Variants in CCDC197 observed in about 807,000 individuals in gnomAD.
CCDC197 encodes the protein coiled-coil domain containing 197, also known as uncharacterized protein CCDC197.
In CCDC197, 24 loss-of-function variants were observed where a neutral mutation model predicts 13.4. The ratio of observed to expected loss-of-function variants is 1.80; its 90% CI spans 1.30 to 2.53. The LOEUF (loss-of-function observed/expected upper bound fraction) is 2.53. Ranked by LOEUF, CCDC197 falls within the 30% of genes most tolerant of loss-of-function variation. The pLI is 0.00. For synonymous variants in CCDC197, 99 were observed against 55.5 expected (o/e 1.78, Z -3.48); for missense variants, 255 against 148.8 (o/e 1.71, Z -3.71).
At chr14:93,987,438 GC>G (rs1355876740) in intron 1 of CCDC197, 4 of 152,464 alleles carry the variant, frequency 2.6e-5, no homozygotes, top group African/African-American at 9.6e-5. Flanking sequence ...GGCCTCTGCG[GC>G]CTGTGTGGTC....
chr14:94,007,983 T>C (rs1377227449), intron 6 of CCDC197, among the ~76,000 whole-genome samples: 1 of 152,230 alleles, frequency 6.6e-6, no homozygotes, highest in Non-Finnish European at 1.5e-5. Flanking sequence ...TCTGTGTAAT[T>C]GGCATCCCTA....
At chr14:93,992,486 G>A (rs1382003529), upstream of CCDC197, among the ~76,000 whole-genome samples, 1 of 152,194 alleles carries the variant, frequency 6.6e-6, no homozygotes, top group African/African-American at 2.4e-5. Flanking sequence ...CTAGGAAGGT[G>A]ATGGTTCTGG....
chr14:93,988,088 G>A (rs1210833586), intron 1 of CCDC197, among the ~76,000 whole-genome samples: 2 of 123,152 alleles, frequency 1.6e-5, no homozygotes, highest in Non-Finnish European at 3.5e-5. Flanking sequence ...AGGAGGGGAT[G>A]GGAGGAAGGG....
At chr14:94,008,047 A>G (rs1890735738) in intron 6 of CCDC197, among the ~76,000 whole-genome samples, 1 of 152,250 alleles carries the variant, frequency 6.6e-6, no homozygotes, top group African/African-American at 2.4e-5. Flanking sequence ...ATTTCTGAGT[A>G]AGGACATGTT....
At chr14:93,990,626 C>T (rs1002498436) in intron 1 of CCDC197, among the ~76,000 whole-genome samples, 2 of 152,126 alleles carry the variant, frequency 1.3e-5, no homozygotes, top group Non-Finnish European at 2.9e-5. Context: ...TGGGAAGCTC[C>T]GATTCACCCT....
downstream of CCDC197, among the ~76,000 whole-genome samples, chr14:94,010,824 C>T (rs1190825350): frequency 6.6e-6 from 1 of 152,124 alleles, no homozygotes; most frequent in African/African-American, 2.4e-5. Context: ...CTCTGTCTTT[C>T]CCACTCTTTC....
intron 4 of CCDC197, among the ~76,000 whole-genome samples, chr14:94,002,868 C>T (rs59794820): frequency 1.7e-5 from 2 of 119,292 alleles, no homozygotes; most frequent in Admixed American, 8.4e-5. Context: ...AAAAAAAAAA[C>T]AAAATTATAA....
chr14:94,006,635 G>T (rs111563876), intron 6 of CCDC197, among the ~76,000 whole-genome samples: 13,861 of 151,628 alleles, frequency 0.091, 663 homozygotes, highest in Middle Eastern at 0.15. Flanking sequence ...GAGATTATAG[G>T]TATGAGCCAC....
intron 4 of CCDC197, 80 bp downstream of exon 4, chr14:94,001,403 T>A: frequency 1.6e-6 from 1 of 634,184 alleles, no homozygotes. Flanking sequence ...TGCATAGCCC[T>A]GGGGAAGGCC....
At position 93,998,200 on chromosome 14, in the gene CCDC197, A is replaced by T; in HGVS notation, c.69A>T (p.Gln23His). Residue 23 changes from glutamine to histidine, a missense_variant, in exon 2 of 7, where the codon CAA becomes CAT. Gln to His is a conservative substitution (Grantham distance 24). Coordinates refer to ENST00000636493, the MANE Select transcript of CCDC197 (RefSeq NM_001351596.2). ...SNPGDKEGDL[Q>H]GLWQELYQLQ... ...CTGGTGACAAGGAAGGGGACCTTCA[A>T]GGGCTGTGGCAGGAACTCTACCAGC... 1 of 780,674 alleles carries T rather than the reference A, an allele frequency of 1.3e-6. No individual in the cohort carries two copies. The highest frequency in any genetic ancestry group is 2.4e-6 in the Non-Finnish European group (1 of 418,126). The allele number at this position is 780,674 out of a possible 1,614,324, so 48.4% of individuals were successfully genotyped here.
chr14:94,000,127 C>T (rs1890448293), intron 3 of CCDC197, among the ~76,000 whole-genome samples: 1 of 152,116 alleles, frequency 6.6e-6, no homozygotes, highest in Admixed American at 6.5e-5. Context: ...TTTATGAGTA[C>T]TGGAAACTCA....
chr14:93,991,937 C>A (rs945551225), intron 1 of CCDC197, among the ~76,000 whole-genome samples: 3 of 152,238 alleles, frequency 2.0e-5, no homozygotes, highest in Admixed American at 2.0e-4. Context: ...AGAATGTGAA[C>A]TTCATCTGTC....
intron 6 of CCDC197, among the ~76,000 whole-genome samples, chr14:94,006,545 C>T (rs140624436): frequency 2.3e-4 from 35 of 151,944 alleles, no homozygotes; most frequent in African/African-American, 5.5e-4. Flanking sequence ...CTATTAGAGA[C>T]GGGGTTTCAC....
At chr14:94,011,543 T>C (rs1208936477), downstream of CCDC197, among the ~76,000 whole-genome samples, 1 of 152,228 alleles carries the variant, frequency 6.6e-6, no homozygotes, top group Admixed American at 6.5e-5. Context: ...CAGAATGCTG[T>C]TTCTCCTTTC....
At chr14:94,004,566 C>T (rs973358207) in intron 5 of CCDC197, among the ~76,000 whole-genome samples, 10 of 152,180 alleles carry the variant, frequency 6.6e-5, no homozygotes, top group African/African-American at 2.4e-4. Context: ...CATGCCCCTT[C>T]CCAGTCCTCT....
chr14:94,002,895 T>C (rs1890568014), intron 4 of CCDC197, among the ~76,000 whole-genome samples: 1 of 150,332 alleles, frequency 6.7e-6, no homozygotes, highest in Non-Finnish European at 1.5e-5. Flanking sequence ...AGAGGTTTAA[T>C]GGACTCGCAG....
intron 1 of CCDC197, among the ~76,000 whole-genome samples, chr14:93,991,128 G>A (rs1246669193): frequency 1.3e-5 from 2 of 152,198 alleles, no homozygotes; most frequent in Non-Finnish European, 2.9e-5. Context: ...TGTGTGGGAA[G>A]TTGTTAAACT....
chr14:93,999,218 C>T (rs1890414469), intron 2 of CCDC197: 1 of 197,386 alleles, frequency 5.1e-6, no homozygotes, highest in Non-Finnish European at 1.0e-5. Flanking sequence ...AAGCAGCTGG[C>T]CCCACGTCAC....
In CCDC197 at chr14:94,001,232, C is replaced by T. The variant is rs1379494504; in HGVS notation, c.275C>T (p.Thr92Met). 2.6e-6 allele frequency: 2 copies of T among 780,954 alleles called. No individual in the cohort carries two copies. Among genetic ancestry groups the T allele is most frequent in the South Asian group, 1.3e-5 (1 of 74,612 alleles). 48.4% of individuals were successfully genotyped at this position (780,954 alleles called of 1,614,324 possible). Residue 92 changes from threonine (T) to methionine (M), a missense_variant, in exon 4 of 7, where the codon ACG (threonine) becomes ATG (methionine). Thr to Met is a moderately conservative substitution (Grantham distance 81). Transcript: ENST00000636493. ...YGKLFTASQD[T>M]QKRLEAFCQM... ...AAGCTCTTCACAGCCAGCCAGGACACGCAGAAGCGCCTCGAGGCCTTCTGC... is the reference window on the plus strand; with the variant it reads ...AAGCTCTTCACAGCCAGCCAGGACATGCAGAAGCGCCTCGAGGCCTTCTGC...
Sources: allele counts gnomAD v4.1 joint callset (sites outside exome capture counted in the v4.1 genomes callset), GRCh38; gene constraint gnomAD v4.1.1; transcripts MANE v1.5; gene names NCBI Gene and HGNC (gene_info 2026-07-23, HGNC 2026-07-21).